SEL1L3: variants seen among roughly 807,000 people sequenced by gnomAD.
SEL1L3 encodes the protein SEL1L family member 3.
A neutral mutation model predicts 142.8 loss-of-function variants in SEL1L3; 76 were observed. The observed-to-expected ratio is 0.53, with a 90% CI of 0.44 to 0.64. The LOEUF (loss-of-function observed/expected upper bound fraction) is 0.64, where lower values mean the gene tolerates loss of function less well. Ranked by LOEUF, SEL1L3 falls within the 30% of genes least tolerant of loss-of-function variation. The pLI is 0.00. For missense variants in SEL1L3, 1,262 were observed against 1,381.7 expected (o/e 0.91, Z 1.37); for synonymous variants, 504 against 519.6 (o/e 0.97, Z 0.41).
chr4:25,775,380 G>A (rs957904415), intron 17 of SEL1L3, among the ~76,000 whole-genome samples: 7 of 152,156 alleles, frequency 4.6e-5, no homozygotes, highest in Non-Finnish European at 8.8e-5. Flanking sequence ...TGGACTAAAA[G>A]GGAAAATGTC....
Position 25,788,069 on chromosome 4 carries a change from C to T in SEL1L3, c.2217+155G>A, listed in dbSNP as rs1711973949. 6.6e-6 allele frequency among the ~76,000 whole-genome samples: 1 copy of T among 152,194 alleles called. No homozygotes were observed. Among genetic ancestry groups the T allele is most frequent in the Admixed American group, 6.5e-5 (1 of 15,290 alleles). On this transcript the variant is annotated intron_variant, in intron 13 of 23. Coordinates refer to ENST00000399878, the MANE Select transcript of SEL1L3 (RefSeq NM_015187.5). The surrounding 1 kb of genome is among the most constrained non-coding windows in gnomAD (Gnocchi z 5.3). ...GAACAGGGAACTGCTTCTGACTCTG[C>T]CTTTTTAGCCAACATTCTTTTCCAT... is the stretch of plus-strand genomic sequence containing the variant.
At chr4:25,724,190 G>C in the SEL1L3 span, among the ~76,000 whole-genome samples, 1 of 152,048 alleles carries the variant, frequency 6.6e-6, no homozygotes, top group Non-Finnish European at 1.5e-5. Flanking sequence ...AGGCCGAGGA[G>C]GGTGGATCAC....
the SEL1L3 span, among the ~76,000 whole-genome samples, chr4:25,724,881 T>C: frequency 1.3e-5 from 2 of 151,622 alleles, no homozygotes; most frequent in Non-Finnish European, 2.9e-5. Flanking sequence ...TGGATCAGCA[T>C]GGGTCACAGC....
chr4:25,775,844 G>A (rs2109156517), intron 17 of SEL1L3, among the ~76,000 whole-genome samples: 1 of 152,292 alleles, frequency 6.6e-6, no homozygotes, highest in East Asian at 1.9e-4. Flanking sequence ...AACATCTATG[G>A]AAGAGGTGGC....
At chr4:25,834,680 C>A (rs1157908634) in intron 3 of SEL1L3, among the ~76,000 whole-genome samples, 1 of 152,168 alleles carries the variant, frequency 6.6e-6, no homozygotes, top group Non-Finnish European at 1.5e-5. Context: ...TTTCTACAGC[C>A]AGCAGCATGG....
the SEL1L3 span, among the ~76,000 whole-genome samples, chr4:25,733,063 A>ATT: frequency 5.7e-3 from 842 of 146,556 alleles, 4 homozygotes; most frequent in African/African-American, 0.02. Context: ...TAACTTTGTT[A>ATT]TTTTTTTTTT....
chr4:25,783,676 T>C (rs1711579345), intron 14 of SEL1L3, among the ~76,000 whole-genome samples: 1 of 152,204 alleles, frequency 6.6e-6, no homozygotes, highest in African/African-American at 2.4e-5. Context: ...GAAAGCAACA[T>C]TGTAACCTCC....
Position 25,759,031 on chromosome 4 carries a change from G to A in SEL1L3, c.2993C>T (p.Thr998Met), listed in dbSNP as rs368070857. The change falls in exon 21 of 24, where the codon ACG (threonine) becomes ATG (methionine). Residue 998 changes from threonine (T) to methionine (M), a missense_variant. Thr to Met is a moderately conservative substitution (Grantham distance 81). This residue lies in a region of SEL1L3 where 435 missense variants were observed against 559.2 expected (regional missense o/e 0.78). Transcript: ENST00000399878. ...FNLALLIEEGTIIPHHILDFL... is the reference protein window; with the variant it reads ...FNLALLIEEGMIIPHHILDFL... ...ATCCAAGATATGGTGTGGGATTATC[G>A]TACCTTCCTCGATTAGCAGGGCCAG... 1.3e-5 allele frequency: 21 copies of A among 1,613,436 alleles called. No homozygotes were observed. Among genetic ancestry groups the A allele is most frequent in the Admixed American group, 8.3e-5 (5 of 59,942 alleles).
intron 6 of SEL1L3, among the ~76,000 whole-genome samples, chr4:25,825,735 C>T (rs928966447): frequency 6.3e-5 from 8 of 127,172 alleles, no homozygotes; most frequent in Middle Eastern, 6.4e-3. Flanking sequence ...AGTGCAGTGG[C>T]GCAATCTCAG....
At chr4:25,780,108 T>G (rs1357534090) in intron 15 of SEL1L3, among the ~76,000 whole-genome samples, 1 of 152,178 alleles carries the variant, frequency 6.6e-6, no homozygotes, top group Non-Finnish European at 1.5e-5. Context: ...ACTTCCATTC[T>G]TCCAACGCAA....
chr4:25,820,350 G>C (rs1487226212), intron 7 of SEL1L3, among the ~76,000 whole-genome samples: 1 of 152,206 alleles, frequency 6.6e-6, no homozygotes, highest in East Asian at 1.9e-4. Context: ...CCAAGAGCTG[G>C]CTGCAAGGCC....
chr4:25,728,867 A>G, the SEL1L3 span, among the ~76,000 whole-genome samples: 119 of 151,886 alleles, frequency 7.8e-4, no homozygotes, highest in African/African-American at 2.8e-3. Context: ...TGTCAAAAAA[A>G]AAAAAAAAAA....
the SEL1L3 span, among the ~76,000 whole-genome samples, chr4:25,728,584 C>CTTGTGAATAGCAAGTAT: frequency 6.6e-6 from 1 of 152,130 alleles, no homozygotes. Context: ...GCCCCCATAC[C>CTTGTGAATAGCAAGTAT]TAAGGCTATC....
chr4:25,778,949 A>T, intron 16 of SEL1L3, 127 bp downstream of exon 16: 1 of 721,982 alleles, frequency 1.4e-6, no homozygotes, highest in Non-Finnish European at 2.1e-6. Flanking sequence ...TTGTCAAATT[A>T]CATGACTTTT....
chr4:25,809,183 G>A (rs976875177), intron 9 of SEL1L3, among the ~76,000 whole-genome samples: 12 of 149,920 alleles, frequency 8.0e-5, no homozygotes, highest in South Asian at 4.2e-4. Flanking sequence ...TTGCTCTGTC[G>A]CCCAGACTGC....
In SEL1L3 at chr4:25,767,943, C is replaced by A. The variant is rs563734821; in HGVS notation, c.2670-113G>T. ...AAAATAAGCAGTTTTTTTAAAAAAA[C>A]CACAAAATCGTGAGTTTTTTTAAAA... On this transcript the variant is annotated intron_variant, in intron 17 of 23. Transcript: ENST00000399878. The A allele has an allele frequency of 3.4e-3, 2,258 of 664,018 alleles. 28 individuals are homozygous for A. The highest frequency in any genetic ancestry group is 1.3e-3 in the Non-Finnish European group (493 of 387,844). 41.1% of individuals were successfully genotyped at this position (664,018 alleles called of 1,614,324 possible).
At chr4:25,769,195 G>A (rs1005779653) in intron 17 of SEL1L3, among the ~76,000 whole-genome samples, 9 of 152,302 alleles carry the variant, frequency 5.9e-5, no homozygotes, top group African/African-American at 2.2e-4. Context: ...GTGAGGGGGA[G>A]TAAGGGAAGC....
intron 23 of SEL1L3, among the ~76,000 whole-genome samples, chr4:25,754,443 G>C (rs1271863907): frequency 6.6e-6 from 1 of 151,646 alleles, no homozygotes; most frequent in East Asian, 2.0e-4. Flanking sequence ...CCGTCTCCGG[G>C]GTTCAAGCGA....
chr4:25,739,420 A>T, the SEL1L3 span, among the ~76,000 whole-genome samples: 2 of 151,964 alleles, frequency 1.3e-5, no homozygotes, highest in Non-Finnish European at 2.9e-5. Context: ...CCATGTGTGT[A>T]TTCTGGCCAG....
Sources: allele counts gnomAD v4.1 joint callset (sites outside exome capture counted in the v4.1 genomes callset), GRCh38; gene constraint gnomAD v4.1.1; regional missense constraint gnomAD v4.1.1; non-coding constraint Gnocchi (gnomAD v3.1); transcripts MANE v1.5; gene names NCBI Gene and HGNC (gene_info 2026-07-23, HGNC 2026-07-21).